The following PDE9A variants were observed in gnomAD, a reference collection of about 807,000 sequenced individuals.
PDE9A encodes the protein phosphodiesterase 9A.
A neutral mutation model predicts 87.4 loss-of-function variants in PDE9A; 60 were observed. That is an observed-to-expected ratio of 0.69 (90% CI 0.56 to 0.85). The LOEUF is 0.85. PDE9A is among the 40% of genes least tolerant of loss of function. The pLI is 0.00. For missense variants in PDE9A, 665 were observed against 779.0 expected, an observed-to-expected ratio of 0.85 and a Z score of 1.74; for synonymous variants, 272 against 279.4, an observed-to-expected ratio of 0.97 and a Z score of 0.27.
In PDE9A at chr21:42,760,931, T is replaced by C; in HGVS notation, c.1085+24T>C. 1 of 1,555,802 alleles carries C rather than the reference T, an allele frequency of 6.4e-7. No homozygotes were observed. On this transcript the variant is annotated intron_variant, in intron 13 of 19. Coordinates refer to ENST00000291539, the MANE Select transcript of PDE9A (RefSeq NM_002606.3). The surrounding 1 kb of genome is among the most constrained non-coding windows in gnomAD (Gnocchi z 5.2). The stretch of plus-strand genomic sequence containing the variant: ...ACGTATGTACAGGATTTTCTCTTTT[T>C]TTCCTTTTAAAAGGCACCCTGGCTA...
intron 15 of PDE9A, among the ~76,000 whole-genome samples, chr21:42,766,849 T>C (rs2056452971): frequency 6.6e-6 from 1 of 152,166 alleles, no homozygotes; most frequent in Admixed American, 6.5e-5. Context: ...CGCCGATGCC[T>C]TCCTCCTCTG....
chr21:42,740,116 G>A (rs1197747958), intron 7 of PDE9A, among the ~76,000 whole-genome samples: 1 of 152,122 alleles, frequency 6.6e-6, no homozygotes, highest in Non-Finnish European at 1.5e-5. Context: ...TACATACATA[G>A]ATAGATACTA....
chr21:42,674,994 A>G (rs2058766104), intron 1 of PDE9A, among the ~76,000 whole-genome samples: 1 of 152,252 alleles, frequency 6.6e-6, no homozygotes, highest in African/African-American at 2.4e-5. Flanking sequence ...TGAAAAATGC[A>G]GAACAGTATC....
intron 3 of PDE9A, among the ~76,000 whole-genome samples, chr21:42,693,410 T>C (rs2059971234): frequency 6.6e-6 from 1 of 151,314 alleles, no homozygotes; most frequent in African/African-American, 2.4e-5. Context: ...GCCATTCTCC[T>C]GCCTCAGCCT....
chr21:42,667,017 C>G (rs571098664), intron 1 of PDE9A, among the ~76,000 whole-genome samples: 17 of 152,350 alleles, frequency 1.1e-4, no homozygotes, highest in African/African-American at 3.8e-4. Context: ...CCCACTCCCC[C>G]CCGCCCCAAC....
At chr21:42,700,973 C>T (rs1419170539) in intron 4 of PDE9A, 1 of 152,114 alleles carries the variant, frequency 6.6e-6, no homozygotes, top group Non-Finnish European at 1.5e-5. Flanking sequence ...ATTTTAGAAT[C>T]AGTCTATGAA....
At position 42,702,404 on chromosome 21, in the gene PDE9A, T is replaced by C. The variant is rs1173418578; in HGVS notation, c.262+3393T>C. ...GTAAATGCTTATACCTCATTATAATTCTGTTTCATGCCATTGTCTGCTGGT... is the reference window on the plus strand; with the variant it reads ...GTAAATGCTTATACCTCATTATAATCCTGTTTCATGCCATTGTCTGCTGGT... On this transcript the variant is annotated intron_variant, in intron 4 of 19. Transcript: ENST00000291539. The surrounding 1 kb of genome is among the most constrained non-coding windows in gnomAD (Gnocchi z 4.9). Among the ~76,000 whole-genome samples the C allele has an allele frequency of 6.6e-6, 1 of 152,198 alleles. No homozygotes were observed. Among genetic ancestry groups the C allele is most frequent in the Non-Finnish European group, 1.5e-5 (1 of 68,040 alleles).
At position 42,718,337 on chromosome 21, in the gene PDE9A, AC is replaced by A. The variant is rs376586668; in HGVS notation, c.263-13431del. Among the ~76,000 whole-genome samples, 19 of 151,886 alleles carry A rather than the reference AC, an allele frequency of 1.3e-4. No homozygotes were observed. In the South Asian group the frequency reaches 1.9e-3, roughly 15 times the overall value. ...TTGAGCTTCCATGGACTATGAATTT[AC>A]CTTTTCAGCAAATTTGCAAAATTGT... On this transcript the variant is annotated intron_variant, in intron 4 of 19. Coordinates refer to ENST00000291539, the MANE Select transcript of PDE9A (RefSeq NM_002606.3).
chr21:42,731,838 G>C lies in PDE9A; in HGVS notation c.331G>C (p.Val111Leu). ...TGAGAGACCACTGAGGGACAGACGG[G>C]TTGTGGGCCTGGAGCAGCCCCGGAG... Reference protein sequence around the residue: ...SAERPLRDRRVVGLEQPRREG... With the variant: ...SAERPLRDRRLVGLEQPRREG... The change falls in exon 5 of 20, where the codon GTT becomes CTT. Residue 111 changes from valine to leucine, a missense_variant. Transcript: ENST00000291539. The C allele has an allele frequency of 6.2e-7, 1 of 1,614,206 alleles. No individual in the cohort carries two copies. The highest frequency in any genetic ancestry group is 8.5e-7 in the Non-Finnish European group (1 of 1,180,030).
intron 10 of PDE9A, among the ~76,000 whole-genome samples, chr21:42,756,619 G>C (rs79374386): frequency 1.3e-5 from 2 of 151,828 alleles, no homozygotes; most frequent in Non-Finnish European, 2.9e-5. Context: ...GCTGTGGCCC[G>C]TGAGCGTGGC....
At chr21:42,751,900 C>T (rs2054473923) in intron 9 of PDE9A, among the ~76,000 whole-genome samples, 1 of 152,094 alleles carries the variant, frequency 6.6e-6, no homozygotes, top group Admixed American at 6.6e-5. Flanking sequence ...GTGCCCGTCA[C>T]CATGCCCAGT....
intron 1 of PDE9A, among the ~76,000 whole-genome samples, chr21:42,666,431 G>A (rs551028326): frequency 5.3e-5 from 8 of 152,194 alleles, no homozygotes; most frequent in South Asian, 4.1e-4. Flanking sequence ...CAGCAGGAGC[G>A]CAGAGCAGGT....
intron 15 of PDE9A, among the ~76,000 whole-genome samples, chr21:42,767,082 G>A (rs34010541): frequency 0.036 from 5,418 of 152,190 alleles, 149 homozygotes; most frequent in Middle Eastern, 0.096. Flanking sequence ...CAAGCAGCAC[G>A]GCCAGGCATC....
At chr21:42,753,575 G>A (rs988745442) in intron 9 of PDE9A, among the ~76,000 whole-genome samples, 14 of 152,184 alleles carry the variant, frequency 9.2e-5, no homozygotes, top group East Asian at 5.8e-4. Flanking sequence ...GAAAGAGAAC[G>A]GGAGAAGCTG....
chr21:42,748,624 C>G (rs1473832158), intron 8 of PDE9A, among the ~76,000 whole-genome samples: 2 of 152,218 alleles, frequency 1.3e-5, no homozygotes, highest in Non-Finnish European at 2.9e-5. Context: ...ATGACAACAG[C>G]CGGCAATGTC....
intron 4 of PDE9A, among the ~76,000 whole-genome samples, chr21:42,729,744 A>T (rs2051523178): frequency 6.6e-6 from 1 of 152,044 alleles, no homozygotes; most frequent in South Asian, 2.1e-4. Context: ...TTCCCTTGAG[A>T]CTTCCTCTTT....
In PDE9A at chr21:42,659,435, G is replaced by A. The variant is rs1476797271; in HGVS notation, c.69+5552G>A. ...ATCCGCCTTTCCCACTTGCCAGCCG[G>A]GAGGCCTGGGCAAAATCACTTTCTC... On this transcript the variant is annotated intron_variant, in intron 1 of 19. Transcript: ENST00000291539. The surrounding 1 kb of genome is among the most constrained non-coding windows in gnomAD (Gnocchi z 4.1). 6.6e-6 allele frequency among the ~76,000 whole-genome samples: 1 copy of A among 152,354 alleles called. No homozygotes were observed. Among genetic ancestry groups the A allele is most frequent in the Admixed American group, 6.5e-5 (1 of 15,302 alleles).
At chr21:42,771,928 G>A (rs1349474621) in intron 18 of PDE9A, among the ~76,000 whole-genome samples, 1 of 152,212 alleles carries the variant, frequency 6.6e-6, no homozygotes, top group Non-Finnish European at 1.5e-5. Flanking sequence ...CAGAGGGACA[G>A]ATGTAGCAAG....
chr21:42,699,254 A>G (rs138593757), intron 4 of PDE9A, among the ~76,000 whole-genome samples: 511 of 152,296 alleles, frequency 3.4e-3, no homozygotes, highest in African/African-American at 0.012. Flanking sequence ...CCCCAGGGAG[A>G]ATAGCATCTG....
Sources: gnomAD v4.1 joint callset for allele counts (sites outside exome capture counted in the v4.1 genomes callset) on GRCh38, gnomAD v4.1.1 for gene constraint, Gnocchi (gnomAD v3.1) non-coding constraint, MANE v1.5 for transcripts, NCBI Gene and HGNC (gene_info 2026-07-23, HGNC 2026-07-21) for gene names.